The following SNED1 variants were observed in gnomAD, a reference collection of about 807,000 sequenced individuals.
SNED1 encodes sushi, nidogen and EGF-like domain-containing protein 1.
SNED1 carries 81 observed loss-of-function variants against 166.7 expected under a neutral mutation model. The ratio of observed to expected loss-of-function variants is 0.49; its 90% CI spans 0.41 to 0.58. SNED1 has a LOEUF of 0.58. Among genes scored for constraint, SNED1 ranks in the 20% least tolerant of loss-of-function variants. The probability of loss-of-function intolerance (pLI) is 0.00; values close to 1 mark genes in which losing one functional copy is unlikely to be tolerated. For missense variants in SNED1, 1,604 were observed against 2,000.2 expected, an observed-to-expected ratio of 0.80 and a Z score of 3.78; for synonymous variants, 762 against 822.0, an observed-to-expected ratio of 0.93 and a Z score of 1.25.
chr2:241,090,603 A>G (rs1020224679), intron 31 of SNED1, among the ~76,000 whole-genome samples: 2 of 152,350 alleles, frequency 1.3e-5, no homozygotes, highest in African/African-American at 4.8e-5. Flanking sequence ...CACAAACACA[A>G]AAAGAATTAT....
chr2:241,055,124 A>AAG (rs1374722690), intron 16 of SNED1, among the ~76,000 whole-genome samples: 2 of 152,162 alleles, frequency 1.3e-5, no homozygotes, highest in Non-Finnish European at 2.9e-5. Flanking sequence ...CTCAAAAAAA[A>AAG]AAAAGAAAAA....
rs751502334 is a variant in SNED1, at chr2:241,051,898, C to T, written c.1852+38C>T. The T allele has an allele frequency of 3.7e-5, 55 of 1,503,458 alleles. No homozygotes were observed. The highest frequency in any genetic ancestry group is 1.2e-4 in the African/African-American group (9 of 72,062). The allele number at this position is 1,503,458 out of a possible 1,614,324, so 93.1% of individuals were successfully genotyped here. On this transcript the variant is annotated intron_variant, in intron 13 of 31. Transcript: ENST00000310397. The surrounding 1 kb of genome is among the most constrained non-coding windows in gnomAD (Gnocchi z 4.7). ...GGGGCAGGGGGGAGGGCAGGAACGA[C>T]GGGCCAGCCCTGAGCTGGGGCCCCT...
intron 1 of SNED1, among the ~76,000 whole-genome samples, chr2:241,029,361 T>C (rs2061086565): frequency 6.6e-6 from 1 of 152,232 alleles, no homozygotes; most frequent in Admixed American, 6.5e-5. Flanking sequence ...GCCCACTTCC[T>C]GGGCCATAGA....
chr2:241,003,456 C>T (rs1024969766), intron 1 of SNED1, among the ~76,000 whole-genome samples: 3 of 152,238 alleles, frequency 2.0e-5, no homozygotes, highest in African/African-American at 7.2e-5. Flanking sequence ...ATGGTGGGCT[C>T]ATGGTCTTGG....
intron 24 of SNED1, 30 bp downstream of exon 24, chr2:241,070,231 G>T: frequency 6.3e-7 from 1 of 1,575,354 alleles, no homozygotes; most frequent in Admixed American, 1.8e-5. Context: ...CGCGTGGGCG[G>T]GGCCAGTGTT....
In SNED1 at chr2:241,093,588, C is replaced by T. The variant is rs995190179; in HGVS notation, c.*1952C>T. 6.8e-6 allele frequency: 1 copy of T among 147,504 alleles called. No homozygotes were observed. The highest frequency in any genetic ancestry group is 2.6e-5 in the African/African-American group (1 of 39,070). The allele number at this position is 147,504 out of a possible 1,614,324, so 9.1% of individuals were successfully genotyped here. A position where few individuals can be genotyped will look rare whatever the true frequency, so the allele number is the denominator to read the frequency against. On this transcript the variant is annotated 3_prime_UTR_variant, in exon 32 of 32. Coordinates refer to ENST00000310397, the MANE Select transcript of SNED1 (RefSeq NM_001080437.3). ...TGGCTCCTGAGTCCCAAGCTTGGTG[C>T]CACACAGCAAATGCTAATATGCTCC...
At position 240,999,737 on chromosome 2, in the gene SNED1, C is replaced by T. The variant is rs2060019166; in HGVS notation, c.213+687C>T. 6.6e-6 allele frequency among the ~76,000 whole-genome samples: 1 copy of T among 152,164 alleles called. No homozygotes were observed. The highest frequency in any genetic ancestry group is 2.4e-5 in the African/African-American group (1 of 41,436). On this transcript the variant is annotated intron_variant, in intron 1 of 31. Coordinates refer to ENST00000310397, the MANE Select transcript of SNED1 (RefSeq NM_001080437.3). The surrounding 1 kb of genome is among the most constrained non-coding windows in gnomAD (Gnocchi z 5.8). ...GCTCAGCTCAGCTGAAGGAACAGGC[C>T]CGAGTGCCGGTTCTGTCTCCATGGC...
intron 29 of SNED1, among the ~76,000 whole-genome samples, chr2:241,086,763 A>T (rs2063601983): frequency 6.6e-6 from 1 of 152,316 alleles, no homozygotes; most frequent in African/African-American, 2.4e-5. Context: ...TTTCCCTTTT[A>T]AACAGCTCTG....
In SNED1 at chr2:241,069,092, CTCCCCTAGTCCTCTCCAAAGCG is replaced by C; in HGVS notation, c.3307+73_3307+94del. On this transcript the variant is annotated intron_variant, in intron 23 of 31. Coordinates refer to ENST00000310397, the MANE Select transcript of SNED1 (RefSeq NM_001080437.3). This position sits in a 1 kb window ranked among gnomAD's most constrained non-coding sequence, Gnocchi z 4.9. ...CTAGAAGCTCTGGCTTCCTTCCAGC[CTCCCCTAGTCCTCTCCAAAGCG>C]TCCACAACACCAGAAACCCAGCCCC... 9.3e-7 allele frequency: 1 copy of C among 1,080,236 alleles called. No homozygotes were observed. Among genetic ancestry groups the C allele is most frequent in the South Asian group, 1.5e-5 (1 of 67,572 alleles). 66.9% of individuals were successfully genotyped at this position (1,080,236 alleles called of 1,614,324 possible). A position where few individuals can be genotyped will look rare whatever the true frequency, so the allele number is the denominator to read the frequency against.
At chr2:241,033,604 C>A in intron 2 of SNED1, 131 bp from the exon 3 acceptor site, 1 of 1,073,426 alleles carries the variant, frequency 9.3e-7, no homozygotes. Context: ...GCCCGTCCAG[C>A]TGGAAGACAC....
At position 241,071,718 on chromosome 2, in the gene SNED1, C is replaced by CCCCCGGAAAA; in HGVS notation, c.3732_3733insCCCCGGAAAA (p.Arg1245ProfsTer57). The CCCCCGGAAAA allele has an allele frequency of 6.7e-7, 1 of 1,503,692 alleles. No homozygotes were observed. Among genetic ancestry groups the CCCCCGGAAAA allele is most frequent in the Non-Finnish European group, 9.0e-7 (1 of 1,112,836 alleles). The allele number at this position is 1,503,692 out of a possible 1,614,324, so 93.1% of individuals were successfully genotyped here. ...CCCCCGAGACCCCCACCCAGCCCCC[C>CCCCCGGAAAA]AGGTACATGCCCCACCCATCGGCCC... On this transcript the variant is annotated frameshift_variant and splice_region_variant, in exon 25 of 32. Transcript: ENST00000310397. LOFTEE classifies it high-confidence loss of function.
In SNED1 at chr2:241,070,082, C is replaced by G. The variant is rs773042335; in HGVS notation, c.3470C>G (p.Ala1157Gly). 1.2e-6 allele frequency: 2 copies of G among 1,612,970 alleles called. No individual in the cohort carries two copies. Among genetic ancestry groups the G allele is most frequent in the South Asian group, 2.2e-5 (2 of 91,088 alleles). Reference protein sequence around the residue: ...KSRYVPNGKLASYTVRDLLPG... With the variant: ...KSRYVPNGKLGSYTVRDLLPG... ...CGCTATGTCCCCAACGGGAAGCTGG[C>G]GTCCTACACGGTGCGCGACCTGCTG... The change falls in exon 24 of 32, where the codon GCG becomes GGG. Residue 1157 changes from alanine (A) to glycine (G), a missense_variant. Ala to Gly is a moderately conservative substitution (Grantham distance 60). Transcript: ENST00000310397.
intron 30 of SNED1, chr2:241,088,066 C>T (rs970527163): frequency 4.3e-6 from 2 of 460,444 alleles, no homozygotes; most frequent in African/African-American, 2.0e-5. Context: ...TGCACGTCAC[C>T]GGCTCTTCCC....
chr2:241,041,687 T>TA (rs1050856964), intron 8 of SNED1, among the ~76,000 whole-genome samples: 3 of 150,142 alleles, frequency 2.0e-5, no homozygotes, highest in East Asian at 3.9e-4. Context: ...AGACTCTGTC[T>TA]AAAAAAAAAC....
intron 1 of SNED1, among the ~76,000 whole-genome samples, chr2:241,001,691 A>G (rs1017064815): frequency 5.3e-5 from 8 of 152,160 alleles, no homozygotes; most frequent in African/African-American, 1.9e-4. Context: ...TCCTAGGGGC[A>G]GGTGCAGGGA....
chr2:241,013,777 C>T lies in SNED1; in HGVS notation c.213+14727C>T, dbSNP rs1489490072. 1.3e-5 allele frequency among the ~76,000 whole-genome samples: 2 copies of T among 152,196 alleles called. No homozygotes were observed. The highest frequency in any genetic ancestry group is 1.9e-4 in the East Asian group (1 of 5,200). ...CTCTTTGTCATGGCTGAATAATATT[C>T]CCTTGTGTGTACATATGTCTGTATA... On this transcript the variant is annotated intron_variant, in intron 1 of 31. Transcript: ENST00000310397. The surrounding 1 kb of genome is among the most constrained non-coding windows in gnomAD (Gnocchi z 4.6).
At chr2:241,037,099 C>A (rs2061396293) in intron 5 of SNED1, 141 bp from the exon 6 acceptor site, 3 of 1,012,006 alleles carry the variant, frequency 3.0e-6, no homozygotes, top group African/African-American at 1.6e-5. Context: ...GGAGTGAGCA[C>A]CATGGGCGGG....
At chr2:241,036,756 C>T in intron 4 of SNED1, 34 bp from the exon 5 acceptor site, 16 of 1,601,370 alleles carry the variant, frequency 1.0e-5, no homozygotes, top group Middle Eastern at 1.7e-4. Flanking sequence ...CCGGAGGCAG[C>T]GGCTGAGGCT....
At chr2:241,050,895 C>A (rs2061817743) in intron 12 of SNED1, among the ~76,000 whole-genome samples, 1 of 152,214 alleles carries the variant, frequency 6.6e-6, no homozygotes, top group African/African-American at 2.4e-5. Flanking sequence ...GTGTCCCTGC[C>A]CCAAAGGTTC....
Sources: gnomAD v4.1 joint callset for allele counts (sites outside exome capture counted in the v4.1 genomes callset) on GRCh38, gnomAD v4.1.1 for gene constraint, Gnocchi (gnomAD v3.1) non-coding constraint, MANE v1.5 for transcripts, NCBI Gene and HGNC (gene_info 2026-07-23, HGNC 2026-07-21) for gene names.